Variants in ELMO1 observed in about 807,000 individuals in gnomAD.
ELMO1 encodes engulfment and cell motility protein 1.
In ELMO1, 26 loss-of-function variants were observed where a neutral mutation model predicts 98.9. The ratio of observed to expected loss-of-function variants is 0.26; its 90% CI spans 0.19 to 0.36. ELMO1 has a LOEUF of 0.36. Ranked by LOEUF, ELMO1 falls within the 10% of genes least tolerant of loss-of-function variation. The pLI is 1.00. For missense variants in ELMO1, 627 were observed against 935.2 expected (o/e 0.67, Z 4.30); for synonymous variants, 346 against 346.0 (o/e 1.00, Z 0.00).
chr7:37,355,924 C>T (rs1801477780), intron 1 of ELMO1, among the ~76,000 whole-genome samples: 1 of 152,200 alleles, frequency 6.6e-6, no homozygotes, highest in East Asian at 1.9e-4. Context: ...GTATGTTCTT[C>T]CAGCCTTGCA....
intron 14 of ELMO1, among the ~76,000 whole-genome samples, chr7:37,124,513 C>T (rs2129290956): frequency 6.6e-6 from 1 of 152,278 alleles, no homozygotes; most frequent in East Asian, 1.9e-4. Flanking sequence ...AGAGCTAAAT[C>T]ATGAATGAAC....
intron 4 of ELMO1, among the ~76,000 whole-genome samples, chr7:37,282,126 G>C (rs1377155390): frequency 1.3e-5 from 2 of 152,114 alleles, no homozygotes; most frequent in Non-Finnish European, 2.9e-5. Flanking sequence ...TACTTAGTCA[G>C]ATAAATGAAG....
intron 13 of ELMO1, among the ~76,000 whole-genome samples, chr7:37,147,125 GTCTAGAGAT>G (rs1346143336): frequency 6.6e-6 from 1 of 152,152 alleles, no homozygotes; most frequent in Non-Finnish European, 1.5e-5. Flanking sequence ...TCAAGCACAT[GTCTAGAGAT>G]TAAGGGAAAT....
At chr7:37,362,147 A>C (rs1400977240) in intron 1 of ELMO1, among the ~76,000 whole-genome samples, 3 of 152,142 alleles carry the variant, frequency 2.0e-5, no homozygotes, top group Non-Finnish European at 4.4e-5. Context: ...TGATGGTTAC[A>C]TGACTACATA....
At chr7:37,389,582 C>T (rs1802975402) in intron 1 of ELMO1, among the ~76,000 whole-genome samples, 1 of 152,144 alleles carries the variant, frequency 6.6e-6, no homozygotes, top group African/African-American at 2.4e-5. Context: ...AGTCTCGAAT[C>T]GTCCAGGTAG....
chr7:36,986,282 C>T (rs1791500553), intron 16 of ELMO1: 1 of 984,710 alleles, frequency 1.0e-6, no homozygotes, highest in Non-Finnish European at 1.2e-6. Flanking sequence ...CTTCAGAGAT[C>T]ATCGGCTTTT....
intron 15 of ELMO1, among the ~76,000 whole-genome samples, chr7:37,051,676 C>A (rs966589791): frequency 1.3e-5 from 2 of 151,908 alleles, no homozygotes; most frequent in African/African-American, 4.8e-5. Context: ...CTATAAATTA[C>A]AACTAGTTAG....
chr7:36,990,226 T>G (rs763184224), intron 16 of ELMO1, among the ~76,000 whole-genome samples: 5 of 152,338 alleles, frequency 3.3e-5, no homozygotes, highest in Admixed American at 6.5e-5. Flanking sequence ...TTTTTTCGCC[T>G]TCTAGACTGT....
chr7:37,131,210 CAG>C (rs2129297842), intron 14 of ELMO1, among the ~76,000 whole-genome samples: 1 of 151,912 alleles, frequency 6.6e-6, no homozygotes, highest in Non-Finnish European at 1.5e-5. Flanking sequence ...AAATGGGACA[CAG>C]AAAAAATTAG....
intron 1 of ELMO1, among the ~76,000 whole-genome samples, chr7:37,407,792 A>G (rs1179928882): frequency 6.6e-6 from 1 of 152,192 alleles, no homozygotes; most frequent in Non-Finnish European, 1.5e-5. Context: ...TGTAAAAAAC[A>G]AAAAGTAAAC....
At chr7:37,121,808 C>G (rs891022433) in intron 14 of ELMO1, among the ~76,000 whole-genome samples, 1 of 152,062 alleles carries the variant, frequency 6.6e-6, no homozygotes, top group Non-Finnish European at 1.5e-5. Flanking sequence ...AAGAGCAACT[C>G]CAAGACACAT....
At chr7:37,271,618 A>G (rs1796562532) in intron 5 of ELMO1, 1 of 535,330 alleles carries the variant, frequency 1.9e-6, no homozygotes, top group South Asian at 2.7e-5. Context: ...AGGTTAGACA[A>G]GCTTGCCCTT....
At chr7:37,106,659 G>A (rs1194176716) in intron 14 of ELMO1, among the ~76,000 whole-genome samples, 1 of 149,566 alleles carries the variant, frequency 6.7e-6, no homozygotes, top group Admixed American at 6.6e-5. Context: ...GGACAGCCAA[G>A]GACAGGGCAT....
chr7:37,341,276 G>T (rs545209709), intron 2 of ELMO1, among the ~76,000 whole-genome samples: 1 of 152,336 alleles, frequency 6.6e-6, no homozygotes, highest in South Asian at 2.1e-4. Context: ...TCTCACTGAA[G>T]CCACTGGTCT....
chr7:36,868,348 C>CTTT (rs70977202), intron 20 of ELMO1, among the ~76,000 whole-genome samples: 31 of 140,630 alleles, frequency 2.2e-4, no homozygotes, highest in East Asian at 4.2e-4. Flanking sequence ...TCTTCTTCTT[C>CTTT]TTTTTTTTTT....
intron 1 of ELMO1, among the ~76,000 whole-genome samples, chr7:37,348,327 T>C (rs186322676): frequency 2.0e-5 from 3 of 152,164 alleles, no homozygotes; most frequent in Non-Finnish European, 4.4e-5. Context: ...AAAAGGGAAG[T>C]CTAGGCAGGT....
chr7:37,174,094 C>T (rs1266279636), intron 13 of ELMO1, among the ~76,000 whole-genome samples: 1 of 152,224 alleles, frequency 6.6e-6, no homozygotes, highest in Non-Finnish European at 1.5e-5. Flanking sequence ...GAAACCATGA[C>T]TGGGGGGCTT....
intron 5 of ELMO1, among the ~76,000 whole-genome samples, chr7:37,260,219 A>C (rs1213193085): frequency 6.6e-6 from 1 of 152,152 alleles, no homozygotes. Context: ...GTTAACTCAA[A>C]ATCACTGTGG....
At chr7:37,085,855 ATG>A (rs1783738773) in intron 15 of ELMO1, among the ~76,000 whole-genome samples, 1 of 152,184 alleles carries the variant, frequency 6.6e-6, no homozygotes, top group African/African-American at 2.4e-5. Context: ...TTGTTTTATG[ATG>A]TTTCTCCTGC....
Sources: gnomAD v4.1 joint callset for allele counts (sites outside exome capture counted in the v4.1 genomes callset) on GRCh38, gnomAD v4.1.1 for gene constraint, MANE v1.5 for transcripts, NCBI Gene and HGNC (gene_info 2026-07-23, HGNC 2026-07-21) for gene names.